Variants in GPC6 observed in about 807,000 individuals in gnomAD.
GPC6 encodes the protein glypican 6.
A neutral mutation model predicts 55.2 loss-of-function variants in GPC6; 14 were observed. The ratio of observed to expected loss-of-function variants is 0.25; its 90% CI spans 0.17 to 0.40. The LOEUF (loss-of-function observed/expected upper bound fraction) is 0.40. Among genes scored for constraint, GPC6 ranks in the 10% least tolerant of loss-of-function variants. The pLI is 1.00. For synonymous variants in GPC6, 278 were observed against 259.6 expected, an observed-to-expected ratio of 1.07 and a Z score of -0.68; for missense variants, 641 against 708.5, an observed-to-expected ratio of 0.90 and a Z score of 1.08.
At chr13:93,355,292 G>A (rs556592058) in intron 1 of GPC6, among the ~76,000 whole-genome samples, 1 of 152,292 alleles carries the variant, frequency 6.6e-6, no homozygotes, top group African/African-American at 2.4e-5. Context: ...AGTGAAAGGT[G>A]TGTGCTACTG....
intron 2 of GPC6, 59 bp from the exon 3 acceptor site, chr13:93,830,095 G>A (rs1887425281): frequency 7.9e-7 from 1 of 1,264,686 alleles, no homozygotes; most frequent in South Asian, 1.3e-5. Flanking sequence ...TAAGGTAAGT[G>A]GGTGCCTTGG....
intron 5 of GPC6, among the ~76,000 whole-genome samples, chr13:94,304,471 C>G (rs1301777575): frequency 1.3e-5 from 2 of 152,080 alleles, no homozygotes; most frequent in Non-Finnish European, 2.9e-5. Context: ...AAAACTGGAA[C>G]GAATGCGTTG....
chr13:93,495,898 C>A (rs370675042), intron 1 of GPC6, among the ~76,000 whole-genome samples: 15 of 147,326 alleles, frequency 1.0e-4, no homozygotes, highest in African/African-American at 2.5e-4. Context: ...TCTCCAGCTG[C>A]GTGCTGGGAG....
intron 3 of GPC6, among the ~76,000 whole-genome samples, chr13:93,840,724 A>G (rs901497859): frequency 2.6e-5 from 4 of 152,066 alleles, no homozygotes; most frequent in Non-Finnish European, 4.4e-5. Context: ...CCCCTCAAAT[A>G]CAAGAACTTC....
At chr13:94,190,092 G>A (rs1038746402) in intron 4 of GPC6, among the ~76,000 whole-genome samples, 2 of 151,756 alleles carry the variant, frequency 1.3e-5, no homozygotes, top group Non-Finnish European at 2.9e-5. Flanking sequence ...GGGAGGCCAA[G>A]GGGGGCAGAT....
chr13:93,667,133 A>C (rs1337321117), intron 2 of GPC6, among the ~76,000 whole-genome samples: 1 of 152,220 alleles, frequency 6.6e-6, no homozygotes, highest in Non-Finnish European at 1.5e-5. Context: ...GTCAAAATAC[A>C]GATCTATTTT....
chr13:94,248,165 A>G (rs984858750), intron 4 of GPC6, among the ~76,000 whole-genome samples: 3 of 152,150 alleles, frequency 2.0e-5, no homozygotes, highest in Admixed American at 6.6e-5. Flanking sequence ...AGAAGCCTTA[A>G]GAGTCATGTC....
At chr13:93,739,144 G>A (rs973092239) in intron 2 of GPC6, among the ~76,000 whole-genome samples, 4 of 152,154 alleles carry the variant, frequency 2.6e-5, no homozygotes, top group Admixed American at 1.3e-4. Flanking sequence ...ATGGCCCGCA[G>A]TGCCTTTCCC....
At chr13:94,025,737 G>T (rs1882871932) in intron 3 of GPC6, 1 of 152,134 alleles carries the variant, frequency 6.6e-6, no homozygotes, top group Non-Finnish European at 1.5e-5. Flanking sequence ...ATGAGTTTTA[G>T]AATTAATCGA....
At position 93,716,335 on chromosome 13, in the gene GPC6, T is replaced by A. The variant is rs1361741065; in HGVS notation, c.320-113819T>A. ...AGGTCTTCTAGGAGAAGCATTATTG[T>A]CATAGGAGAGGACCGCTTCATGCCA... On this transcript the variant is annotated intron_variant, in intron 2 of 8. Coordinates refer to ENST00000377047, the MANE Select transcript of GPC6 (RefSeq NM_005708.5). Among the ~76,000 whole-genome samples, 3 of 151,624 alleles carry A rather than the reference T, an allele frequency of 2.0e-5. No individual in the cohort carries two copies. In the South Asian group the frequency reaches 6.2e-4, roughly 31 times the overall value.
Position 93,491,207 on chromosome 13 carries a change from C to A in GPC6, c.161-54056C>A, listed in dbSNP as rs1265594407. On this transcript the variant is annotated intron_variant, in intron 1 of 8. Transcript: ENST00000377047. ...TTGTTTCCTGACATTTTAATGATTGCCATTCTAACTGGTGTGAGATGGTAT... is the reference window on the plus strand; with the variant it reads ...TTGTTTCCTGACATTTTAATGATTGACATTCTAACTGGTGTGAGATGGTAT... Among the ~76,000 whole-genome samples, 2 of 33,174 alleles carry A rather than the reference C, an allele frequency of 6.0e-5. 1 individual carries two copies. The highest frequency in any genetic ancestry group is 7.3e-4 in the Admixed American group (2 of 2,724). The allele number at this position is 33,174 out of a possible 152,430, so 21.8% of individuals were successfully genotyped here.
At chr13:94,031,103 T>C (rs988967557) in intron 4 of GPC6, among the ~76,000 whole-genome samples, 124 of 147,480 alleles carry the variant, frequency 8.4e-4, no homozygotes, top group Non-Finnish European at 1.3e-3. Context: ...CGTGTGTGTG[T>C]GCGTGCATGT....
intron 1 of GPC6, among the ~76,000 whole-genome samples, chr13:93,490,684 C>A (rs12018531): frequency 0.13 from 11,416 of 89,308 alleles, 1,010 homozygotes; most frequent in East Asian, 0.36. Context: ...CCCACCCCAC[C>A]ACAGTCCCCA....
At chr13:94,065,064 T>G (rs1422979904) in intron 4 of GPC6, among the ~76,000 whole-genome samples, 2 of 152,108 alleles carry the variant, frequency 1.3e-5, no homozygotes, top group Non-Finnish European at 2.9e-5. Context: ...ACACCAATCT[T>G]TAGAAATATG....
intron 1 of GPC6, among the ~76,000 whole-genome samples, chr13:93,410,965 C>T (rs1465755935): frequency 2.0e-5 from 3 of 152,134 alleles, no homozygotes. Flanking sequence ...ATGATTGCAT[C>T]CATATATGTC....
At chr13:93,334,851 T>C (rs1307897039) in intron 1 of GPC6, among the ~76,000 whole-genome samples, 1 of 152,244 alleles carries the variant, frequency 6.6e-6, no homozygotes, top group Non-Finnish European at 1.5e-5. Flanking sequence ...TGTTTATGAA[T>C]TTTTGTAAAA....
intron 1 of GPC6, among the ~76,000 whole-genome samples, chr13:93,452,439 A>C (rs1157169423): frequency 6.6e-6 from 1 of 152,140 alleles, no homozygotes; most frequent in East Asian, 1.9e-4. Context: ...ACTTGAGTCA[A>C]TTGTCATCTG....
intron 2 of GPC6, among the ~76,000 whole-genome samples, chr13:93,593,832 G>T (rs1877600367): frequency 6.6e-6 from 1 of 151,952 alleles, no homozygotes; most frequent in South Asian, 2.1e-4. Context: ...GTATGCAGTG[G>T]AATTCAATAT....
intron 1 of GPC6, among the ~76,000 whole-genome samples, chr13:93,535,227 ACT>A (rs1415257632): frequency 6.6e-6 from 1 of 151,908 alleles, no homozygotes; most frequent in Non-Finnish European, 1.5e-5. Flanking sequence ...TGAGTGGGAA[ACT>A]CTTAAAAGGA....
Sources: gnomAD v4.1 joint callset for allele counts (sites outside exome capture counted in the v4.1 genomes callset) on GRCh38, gnomAD v4.1.1 for gene constraint, MANE v1.5 for transcripts, NCBI Gene and HGNC (gene_info 2026-07-23, HGNC 2026-07-21) for gene names.